KDM4B: variants seen among roughly 807,000 people sequenced by gnomAD.
KDM4B encodes lysine demethylase 4B, also known as lysine-specific demethylase 4B.
In KDM4B, 32 loss-of-function variants were observed where a neutral mutation model predicts 125.2. That is an observed-to-expected ratio of 0.26 (90% CI 0.19 to 0.34). KDM4B has a LOEUF of 0.34. Ranked by LOEUF, KDM4B falls within the 10% of genes least tolerant of loss-of-function variation. The pLI is 1.00. For missense variants in KDM4B, 1,190 were observed against 1,577.7 expected, an observed-to-expected ratio of 0.75 and a Z score of 4.16; for synonymous variants, 721 against 677.9, an observed-to-expected ratio of 1.06 and a Z score of -0.99.
At chr19:5,150,320 G>C (rs1424821401) in intron 21 of KDM4B, 38 bp from the exon 22 acceptor site, 1 of 1,520,422 alleles carries the variant, frequency 6.6e-7, no homozygotes, top group Non-Finnish European at 8.9e-7. Flanking sequence ...CTGCCATCCT[G>C]GCAGTGCCAG....
rs754966972 is a variant in KDM4B, at chr19:5,114,227, C to T, written c.1115+3409C>T. On this transcript the variant is annotated intron_variant, in intron 10 of 22. Transcript: ENST00000159111. This position sits in a 1 kb window ranked among gnomAD's most constrained non-coding sequence, Gnocchi z 5.8. ...ATGTGCACGTGCTCCAGCAGGTACG[C>T]GCTCCCTGCAGGACATCTGTGCACC... 3.7e-5 allele frequency: 48 copies of T among 1,289,064 alleles called. No homozygotes were observed. Among genetic ancestry groups the T allele is most frequent in the Admixed American group, 1.1e-4 (5 of 43,546 alleles). The allele number at this position is 1,289,064 out of a possible 1,614,324, so 79.9% of individuals were successfully genotyped here.
chr19:5,123,681 C>T lies in KDM4B; in HGVS notation c.1315+3829C>T, dbSNP rs1599233078. Among the ~76,000 whole-genome samples, 4 of 152,272 alleles carry T rather than the reference C, an allele frequency of 2.6e-5. 1 individual carries two copies. In the South Asian group the frequency reaches 6.2e-4, roughly 24 times the overall value. ...CAGGGCCTGTGTCTACACTGCAGGT[C>T]CTCTGGGGTTTGGGAAATCCTCAGA... On this transcript the variant is annotated intron_variant, in intron 11 of 22. Transcript: ENST00000159111.
At chr19:5,117,089 C>T (rs2146007491) in intron 10 of KDM4B, among the ~76,000 whole-genome samples, 1 of 152,274 alleles carries the variant, frequency 6.6e-6, no homozygotes, top group South Asian at 2.1e-4. Context: ...GTGCATTGAG[C>T]CCTACCCAGT....
rs567838684 is a variant in KDM4B at position 5,142,744 on chromosome 19, G to A, written c.2551-1223G>A. Among the ~76,000 whole-genome samples, 133 of 152,238 alleles carry A rather than the reference G, an allele frequency of 8.7e-4. No homozygotes were observed. The highest frequency in any genetic ancestry group is 3.4e-3 in the Middle Eastern group (1 of 294). On this transcript the variant is annotated intron_variant, in intron 18 of 22. Transcript: ENST00000159111. This position sits in a 1 kb window ranked among gnomAD's most constrained non-coding sequence, Gnocchi z 5.4. ...GCCGTGCTGGAGTGATGCCTGGCGC[G>A]TGTTGTGTGATGGGAGAATTGGGTA...
intron 1 of KDM4B, among the ~76,000 whole-genome samples, chr19:4,973,024 G>T (rs1347822233): frequency 6.6e-6 from 1 of 152,160 alleles, no homozygotes; most frequent in Non-Finnish European, 1.5e-5. Context: ...CTGCCCCCAG[G>T]GGTGGCACTT....
At chr19:5,057,269 G>A (rs990483014) in intron 6 of KDM4B, among the ~76,000 whole-genome samples, 1 of 152,152 alleles carries the variant, frequency 6.6e-6, no homozygotes, top group African/African-American at 2.4e-5. Flanking sequence ...GTGAGGCTGT[G>A]TGTTGGCTGC....
intron 1 of KDM4B, among the ~76,000 whole-genome samples, chr19:4,972,629 T>G (rs1317970165): frequency 2.0e-5 from 3 of 152,216 alleles, no homozygotes; most frequent in Non-Finnish European, 4.4e-5. Context: ...GGAAGCACTG[T>G]CAACCCCGCA....
Position 5,035,792 on chromosome 19 carries a change from C to T in KDM4B, c.141+2761C>T, listed in dbSNP as rs939315709. Among the ~76,000 whole-genome samples the T allele has an allele frequency of 2.6e-5, 4 of 151,974 alleles. No homozygotes were observed. The highest frequency in any genetic ancestry group is 7.3e-5 in the African/African-American group (3 of 41,362). On this transcript the variant is annotated intron_variant, in intron 3 of 22. Transcript: ENST00000159111. The surrounding 1 kb of genome is among the most constrained non-coding windows in gnomAD (Gnocchi z 5.3). ...AGTGCAGAGAATCCTTTCTCAAACC[C>T]GTGGAGGGGGCTGGGCAGTAGGGGG...
Position 5,152,113 on chromosome 19 carries a change from G to GA in KDM4B, c.*602_*603insA, listed in dbSNP as rs987823435. 1 of 129,328 alleles carries GA rather than the reference G, an allele frequency of 7.7e-6. No individual in the cohort carries two copies. The highest frequency in any genetic ancestry group is 8.0e-5 in the Admixed American group (1 of 12,572). The allele number at this position is 129,328 out of a possible 1,614,324, so 8.0% of individuals were successfully genotyped here. On this transcript the variant is annotated 3_prime_UTR_variant, in exon 23 of 23. Coordinates refer to ENST00000159111, the MANE Select transcript of KDM4B (RefSeq NM_015015.3). ...CGGTAATTGGAGGGTGAGCCTCGGG[G>GA]GGGGGGCAGGACGCCCCGGTTTCGG...
In KDM4B at chr19:5,110,783, A is replaced by G. The variant is rs2613739; in HGVS notation, c.1080A>G (p.Ala360=). The G allele has an allele frequency of 0.56, 902,641 of 1,599,808 alleles. 255,873 individuals carry two copies. The highest frequency in any genetic ancestry group is 0.67 in the East Asian group (29,886 of 44,304). Residue 360 remains alanine (A), a synonymous_variant, in exon 10 of 23, where the codon GCA becomes GCG. Coordinates refer to ENST00000159111, the MANE Select transcript of KDM4B (RefSeq NM_015015.3). ...GCCCCGAGCTGAGCTCCTGGAGTGC[A>G]TCCCGGGCCTCGCTGAAGGCCAAGC... is the stretch of plus-strand genomic sequence containing the variant. ...LTSPELSSWS[A]SRASLKAKLL...
intron 10 of KDM4B, chr19:5,113,049 A>C (rs2039181451): frequency 6.6e-6 from 1 of 152,288 alleles, no homozygotes; most frequent in African/African-American, 2.4e-5. Context: ...TGCCAGGAGG[A>C]GATGCGGAAG....
intron 11 of KDM4B, among the ~76,000 whole-genome samples, chr19:5,126,023 C>T (rs2039443440): frequency 1.3e-5 from 2 of 152,318 alleles, no homozygotes; most frequent in South Asian, 2.1e-4. Context: ...GGTTTCTGGT[C>T]CTCCTTGAAT....
At chr19:5,083,426 G>T (rs545116491) in intron 9 of KDM4B, among the ~76,000 whole-genome samples, 1 of 152,196 alleles carries the variant, frequency 6.6e-6, no homozygotes, top group South Asian at 2.1e-4. Flanking sequence ...TGTGGGACCC[G>T]GGAAGGGAAG....
At chr19:5,025,213 G>GGCTCACGCCTATAATCCCAGCA (rs2036241475) in intron 2 of KDM4B, among the ~76,000 whole-genome samples, 1 of 152,220 alleles carries the variant, frequency 6.6e-6, no homozygotes, top group Non-Finnish European at 1.5e-5. Flanking sequence ...GGGGCGTGGT[G>GGCTCACGCCTATAATCCCAGCA]GCTCACGCCT....
Position 4,985,435 on chromosome 19 carries a change from G to A in KDM4B, c.-109+16205G>A, listed in dbSNP as rs570186978. On this transcript the variant is annotated intron_variant, in intron 1 of 22. Coordinates refer to ENST00000159111, the MANE Select transcript of KDM4B (RefSeq NM_015015.3). ...CTCCATCCATGTGGATGTTTGGGAG[G>A]GGCCCTCCGTGGGCTCCAGGCGGCT... Among the ~76,000 whole-genome samples, 35 of 152,364 alleles carry A rather than the reference G, an allele frequency of 2.3e-4. 1 individual carries two copies. Among genetic ancestry groups the A allele is most frequent in the Admixed American group, 2.3e-3 (35 of 15,304 alleles).
At chr19:5,075,414 C>G (rs1409588071) in intron 7 of KDM4B, 2 of 152,300 alleles carry the variant, frequency 1.3e-5, no homozygotes, top group African/African-American at 2.4e-5. Context: ...CGGGTCTTCA[C>G]CTTGTGATTT....
chr19:5,118,449 T>C (rs1243849489), intron 10 of KDM4B, among the ~76,000 whole-genome samples: 1 of 152,052 alleles, frequency 6.6e-6, no homozygotes, highest in Non-Finnish European at 1.5e-5. Flanking sequence ...GAGAGGCCCC[T>C]GGCCAGGCCA....
chr19:5,103,246 C>A (rs185680933), intron 9 of KDM4B, among the ~76,000 whole-genome samples: 1 of 152,272 alleles, frequency 6.6e-6, no homozygotes, highest in Non-Finnish European at 1.5e-5. Context: ...GAGCCAATTT[C>A]GCTTGGCACG....
intron 1 of KDM4B, among the ~76,000 whole-genome samples, chr19:4,985,990 G>T (rs1324612204): frequency 6.6e-6 from 1 of 152,304 alleles, no homozygotes; most frequent in East Asian, 1.9e-4. Flanking sequence ...AAGAGAAATC[G>T]GATCTCTTCT....
Sources: gnomAD v4.1 joint callset for allele counts (sites outside exome capture counted in the v4.1 genomes callset) on GRCh38, gnomAD v4.1.1 for gene constraint, Gnocchi (gnomAD v3.1) non-coding constraint, MANE v1.5 for transcripts, NCBI Gene and HGNC (gene_info 2026-07-23, HGNC 2026-07-21) for gene names.